The following CGGBP1 variants were observed in gnomAD, a reference collection of about 807,000 sequenced individuals.
CGGBP1 encodes the protein CGG triplet repeat-binding protein 1.
A neutral mutation model predicts 11.4 loss-of-function variants in CGGBP1; 4 were observed. The ratio of observed to expected loss-of-function variants is 0.35; its 90% CI spans 0.17 to 0.80. The LOEUF (loss-of-function observed/expected upper bound fraction) is 0.80, where lower values mean the gene tolerates loss of function less well. Among genes scored for constraint, CGGBP1 ranks in the 30% least tolerant of loss-of-function variants. The pLI is 0.52. For missense variants in CGGBP1, 135 were observed against 202.1 expected (o/e 0.67, Z 2.01); for synonymous variants, 76 against 74.1 (o/e 1.03, Z -0.13).
At chr3:88,077,483 C>T (rs1183522825) in intron 2 of CGGBP1, among the ~76,000 whole-genome samples, 10 of 145,470 alleles carry the variant, frequency 6.9e-5, no homozygotes, top group Non-Finnish European at 1.5e-4. Context: ...CAGACGCCTG[C>T]CACCACGCCC....
At position 88,086,609 on chromosome 3, in the gene CGGBP1, A is replaced by T. The variant is rs572697789; in HGVS notation, c.-228-28386T>A. ...GTTTTAATAGTTAAATGGAATTTTG[A>T]TATACAGATTCTTCTAGTTACTACA... is the stretch of plus-strand genomic sequence containing the variant. On this transcript the variant is annotated intron_variant, in intron 2 of 3. Transcript: ENST00000462901. 4.6e-5 allele frequency among the ~76,000 whole-genome samples: 7 copies of T among 152,308 alleles called. No homozygotes were observed. The South Asian group carries it at 1.5e-3, about 32-fold the overall frequency.
intron 2 of CGGBP1, among the ~76,000 whole-genome samples, chr3:88,122,593 A>G (rs1705834564): frequency 6.6e-6 from 1 of 152,206 alleles, no homozygotes; most frequent in African/African-American, 2.4e-5. Flanking sequence ...AATGGAAGTA[A>G]TTAAGGGGAT....
intron 2 of CGGBP1, chr3:88,128,709 A>C: frequency 1.3e-6 from 1 of 778,080 alleles, no homozygotes; most frequent in Non-Finnish European, 2.0e-6. Flanking sequence ...AAGTAGTTAA[A>C]TCTAATTAGA....
chr3:88,116,720 C>T (rs1453930426), intron 2 of CGGBP1, among the ~76,000 whole-genome samples: 1 of 152,056 alleles, frequency 6.6e-6, no homozygotes, highest in African/African-American at 2.4e-5. Context: ...AGCCCCATTA[C>T]CCAGAGGTAA....
chr3:88,084,655 G>C (rs1187328235), intron 2 of CGGBP1, among the ~76,000 whole-genome samples: 2 of 152,204 alleles, frequency 1.3e-5, no homozygotes, highest in South Asian at 2.1e-4. Flanking sequence ...GAATTGTCAA[G>C]AACTGTGAAG....
intron 2 of CGGBP1, among the ~76,000 whole-genome samples, chr3:88,121,723 A>T (rs560108795): frequency 1.3e-5 from 2 of 152,340 alleles, no homozygotes; most frequent in African/African-American, 4.8e-5. Flanking sequence ...ATTTCAAAGT[A>T]TTATAAAGAC....
At chr3:88,120,010 CT>C (rs999229262) in intron 2 of CGGBP1, among the ~76,000 whole-genome samples, 6 of 151,728 alleles carry the variant, frequency 4.0e-5, no homozygotes, top group South Asian at 2.1e-4. Flanking sequence ...TTTAAATATT[CT>C]TTTTTTCAAG....
intron 2 of CGGBP1, chr3:88,135,265 C>T: frequency 8.0e-7 from 1 of 1,256,482 alleles, no homozygotes; most frequent in Non-Finnish European, 1.0e-6. Context: ...AAACTTGAAT[C>T]TCTTTTGATA....
intron 2 of CGGBP1, among the ~76,000 whole-genome samples, chr3:88,127,659 T>C (rs1706200672): frequency 1.3e-5 from 2 of 152,156 alleles, no homozygotes; most frequent in South Asian, 2.1e-4. Flanking sequence ...TTTTAAGGGA[T>C]AGATTTAGGC....
chr3:88,105,332 AC>A (rs1446732146), intron 2 of CGGBP1, among the ~76,000 whole-genome samples: 3 of 152,174 alleles, frequency 2.0e-5, no homozygotes, highest in Non-Finnish European at 4.4e-5. Context: ...CCACAGTGAT[AC>A]AGACTATTCC....
In CGGBP1 at chr3:88,082,283, C is replaced by A. The variant is rs775058194; in HGVS notation, c.-228-24060G>T. 2.6e-5 allele frequency among the ~76,000 whole-genome samples: 4 copies of A among 152,176 alleles called. No individual in the cohort carries two copies. In the South Asian group the frequency reaches 8.3e-4, roughly 32 times the overall value. ...CTAGGACTACAGGCGCGTGCCACCACGCCCAGCTAATTTTTATATTTTTAG... is the reference window on the plus strand; with the variant it reads ...CTAGGACTACAGGCGCGTGCCACCAAGCCCAGCTAATTTTTATATTTTTAG... On this transcript the variant is annotated intron_variant, in intron 2 of 3. Coordinates refer to the CGGBP1 transcript ENST00000462901.
chr3:88,141,081 G>T (rs1442195906), intron 1 of CGGBP1: 8 of 1,536,412 alleles, frequency 5.2e-6, no homozygotes, highest in Non-Finnish European at 6.1e-6. Flanking sequence ...AGAGGTATCT[G>T]TAGAAAGAGA....
intron 2 of CGGBP1, among the ~76,000 whole-genome samples, chr3:88,078,902 C>G (rs1338925304): frequency 6.6e-6 from 1 of 151,996 alleles, no homozygotes; most frequent in African/African-American, 2.4e-5. Flanking sequence ...TATAAATTCT[C>G]TGTGAATTTT....
At chr3:88,090,904 G>A (rs1486171996) in intron 2 of CGGBP1, among the ~76,000 whole-genome samples, 3 of 152,186 alleles carry the variant, frequency 2.0e-5, no homozygotes, top group Non-Finnish European at 4.4e-5. Context: ...TTTTAAGAAA[G>A]TTTACGAATT....
intron 2 of CGGBP1, chr3:88,126,116 A>T (rs1443778543): frequency 4.1e-6 from 6 of 1,465,722 alleles, no homozygotes; most frequent in Non-Finnish European, 4.5e-6. Flanking sequence ...CAGAGCCAAA[A>T]TGATTTTTCT....
At chr3:88,060,063 A>C (rs1205557274), upstream of CGGBP1, among the ~76,000 whole-genome samples, 1 of 151,860 alleles carries the variant, frequency 6.6e-6, no homozygotes, top group African/African-American at 2.4e-5. Context: ...ACGCTGACCC[A>C]CGGTGATTTA....
chr3:88,114,115 GA>G (rs755207687), intron 2 of CGGBP1, among the ~76,000 whole-genome samples: 1 of 152,084 alleles, frequency 6.6e-6, no homozygotes, highest in African/African-American at 2.4e-5. Flanking sequence ...AAGCAAAACA[GA>G]AAAAATCTTC....
Position 88,055,702 on chromosome 3 carries a change from C to T in CGGBP1, c.275G>A (p.Cys92Tyr). ...KQRPLTASLQ[C>Y]NSTAQTEKVS... is the part of the protein sequence containing the mutation. ...TTTCTCTGTTTGCGCAGTACTGTTG[C>T]ACTGAAGAGATGCAGTTAGGGGCCT... Residue 92 changes from cysteine to tyrosine, a missense_variant, in exon 4 of 4, where the codon TGC becomes TAC. Transcript: ENST00000482016. The surrounding 1 kb of genome is among the most constrained non-coding windows in gnomAD (Gnocchi z 4.2). 1 of 1,614,212 alleles carries T rather than the reference C, an allele frequency of 6.2e-7. No homozygotes were observed. The highest frequency in any genetic ancestry group is 8.5e-7 in the Non-Finnish European group (1 of 1,180,046).
At chr3:88,145,411 T>A (rs114746779) in intron 1 of CGGBP1, among the ~76,000 whole-genome samples, 146 of 152,276 alleles carry the variant, frequency 9.6e-4, no homozygotes, top group African/African-American at 3.4e-3. Flanking sequence ...ATTCTAGAGC[T>A]GAGATCTAAA....
Sources: allele counts gnomAD v4.1 joint callset (sites outside exome capture counted in the v4.1 genomes callset), GRCh38; gene constraint gnomAD v4.1.1; non-coding constraint Gnocchi (gnomAD v3.1); transcripts MANE v1.5; gene names NCBI Gene and HGNC (gene_info 2026-07-23, HGNC 2026-07-21).